Variants in GPHN observed in about 807,000 individuals in gnomAD.
GPHN encodes the protein gephyrin.
A neutral mutation model predicts 95.5 loss-of-function variants in GPHN; 17 were observed. The ratio of observed to expected loss-of-function variants is 0.18; its 90% CI spans 0.12 to 0.27. The LOEUF (loss-of-function observed/expected upper bound fraction) is 0.27. GPHN is among the 10% of genes least tolerant of loss of function. GPHN has a pLI of 1.00. For missense variants in GPHN, 660 were observed against 978.1 expected, an observed-to-expected ratio of 0.67 and a Z score of 4.34; for synonymous variants, 320 against 322.5, an observed-to-expected ratio of 0.99 and a Z score of 0.08.
the GPHN span, among the ~76,000 whole-genome samples, chr14:67,354,174 G>T: frequency 4.6e-5 from 7 of 152,058 alleles, no homozygotes; most frequent in Admixed American, 6.5e-5. Context: ...CAATAATGTA[G>T]ATTTCTACCA....
At chr14:67,647,135 C>T in the GPHN span, 1 of 741,678 alleles carries the variant, frequency 1.3e-6, no homozygotes, top group African/African-American at 1.8e-5. Context: ...AAAACATACA[C>T]ATAATTTTAA....
chr14:67,345,297 C>T, the GPHN span, among the ~76,000 whole-genome samples: 1 of 151,382 alleles, frequency 6.6e-6, no homozygotes, highest in Non-Finnish European at 1.5e-5. Flanking sequence ...TGGCTCATGC[C>T]TGTAATCCTA....
At chr14:67,529,386 T>G in the GPHN span, among the ~76,000 whole-genome samples, 2 of 152,048 alleles carry the variant, frequency 1.3e-5, no homozygotes, top group African/African-American at 2.4e-5. Flanking sequence ...GTGCCCAGAG[T>G]TGATAGGTCA....
At chr14:66,697,173 G>C (rs2068156077) in intron 2 of GPHN, among the ~76,000 whole-genome samples, 2 of 152,122 alleles carry the variant, frequency 1.3e-5, no homozygotes, top group African/African-American at 2.4e-5. Context: ...GTTGACTACT[G>C]AGGCATTTTA....
the GPHN span, chr14:67,586,229 A>C: frequency 8.4e-7 from 1 of 1,184,458 alleles, no homozygotes; most frequent in Non-Finnish European, 1.2e-6. Context: ...CTTGTCTGTA[A>C]TTAGTATTCC....
At chr14:67,502,490 T>C in the GPHN span, among the ~76,000 whole-genome samples, 4 of 146,260 alleles carry the variant, frequency 2.7e-5, no homozygotes, top group Admixed American at 1.4e-4. Flanking sequence ...TTTTGCTTTG[T>C]TGTCCAGGCT....
chr14:66,594,155 G>C (rs1265792879), intron 1 of GPHN, among the ~76,000 whole-genome samples: 1 of 152,014 alleles, frequency 6.6e-6, no homozygotes, highest in Non-Finnish European at 1.5e-5. Flanking sequence ...ATTTATGAAA[G>C]AAATTTAGGG....
At chr14:66,748,101 A>G (rs1040195578) in intron 2 of GPHN, among the ~76,000 whole-genome samples, 8 of 152,086 alleles carry the variant, frequency 5.3e-5, no homozygotes, top group African/African-American at 1.7e-4. Flanking sequence ...TGCTCAAGCT[A>G]TCATCTTTGA....
chr14:66,918,252 C>T (rs765278749), intron 6 of GPHN, among the ~76,000 whole-genome samples: 9 of 152,130 alleles, frequency 5.9e-5, no homozygotes, highest in East Asian at 1.9e-4. Flanking sequence ...ACCCTTCTGG[C>T]GTCAATCTGT....
the GPHN span, among the ~76,000 whole-genome samples, chr14:67,717,557 G>C: frequency 1.3e-5 from 2 of 152,310 alleles, no homozygotes; most frequent in South Asian, 4.1e-4. Flanking sequence ...CATACACCAG[G>C]GTTATCCTTT....
At chr14:66,697,847 C>T (rs904623614) in intron 2 of GPHN, among the ~76,000 whole-genome samples, 1 of 151,966 alleles carries the variant, frequency 6.6e-6, no homozygotes, top group Non-Finnish European at 1.5e-5. Context: ...GCCACCACAG[C>T]TGGCTACTTT....
chr14:66,951,225 G>T (rs1208100292), intron 8 of GPHN, among the ~76,000 whole-genome samples: 1 of 151,962 alleles, frequency 6.6e-6, no homozygotes, highest in East Asian at 1.9e-4. Context: ...GTTTAATTAA[G>T]AAAGGGATAA....
chr14:66,809,306 T>C (rs1044580514), intron 3 of GPHN, among the ~76,000 whole-genome samples: 2 of 152,100 alleles, frequency 1.3e-5, no homozygotes, highest in Non-Finnish European at 2.9e-5. Flanking sequence ...CAGGCTCTGC[T>C]CCTTAATAGG....
At chr14:66,542,826 T>C (rs1175296376) in intron 1 of GPHN, among the ~76,000 whole-genome samples, 2 of 152,254 alleles carry the variant, frequency 1.3e-5, no homozygotes, top group African/African-American at 2.4e-5. Flanking sequence ...ATAATTAGGC[T>C]TCTGCCATTA....
intron 10 of GPHN, among the ~76,000 whole-genome samples, chr14:67,028,188 C>T (rs888813222): frequency 2.0e-5 from 3 of 152,166 alleles, no homozygotes; most frequent in Admixed American, 6.5e-5. Flanking sequence ...ATCTGTGTTG[C>T]TGCAAATGAC....
At chr14:67,010,011 G>A (rs950077534) in intron 9 of GPHN, among the ~76,000 whole-genome samples, 2 of 151,616 alleles carry the variant, frequency 1.3e-5, no homozygotes, top group East Asian at 2.0e-4. Context: ...TGCCCGCCTC[G>A]GCCTCCCAAA....
chr14:67,560,985 C>T, the GPHN span, among the ~76,000 whole-genome samples: 1 of 152,172 alleles, frequency 6.6e-6, no homozygotes. Flanking sequence ...CCCGCCTCAG[C>T]CTCCCAAAGT....
At chr14:66,853,371 G>C (rs1370487460) in intron 4 of GPHN, among the ~76,000 whole-genome samples, 1 of 152,088 alleles carries the variant, frequency 6.6e-6, no homozygotes, top group East Asian at 1.9e-4. Context: ...CTTCAACACA[G>C]ATTCAAAGAT....
chr14:67,729,000 G>T, the GPHN span, among the ~76,000 whole-genome samples: 2 of 152,190 alleles, frequency 1.3e-5, no homozygotes, highest in African/African-American at 4.8e-5. Context: ...AGGCTGAGAA[G>T]GCTATAGATC....
Sources: gnomAD v4.1 joint callset for allele counts (sites outside exome capture counted in the v4.1 genomes callset) on GRCh38, gnomAD v4.1.1 for gene constraint, MANE v1.5 for transcripts, NCBI Gene and HGNC (gene_info 2026-07-23, HGNC 2026-07-21) for gene names.